Variants in PIP5K1B observed in about 807,000 individuals in gnomAD.
PIP5K1B encodes the protein phosphatidylinositol 4-phosphate 5-kinase type-1 beta.
A neutral mutation model predicts 67.0 loss-of-function variants in PIP5K1B; 42 were observed. The observed-to-expected ratio is 0.63, with a 90% CI of 0.49 to 0.81. The LOEUF (loss-of-function observed/expected upper bound fraction) is 0.81. Among genes scored for constraint, PIP5K1B ranks in the 30% least tolerant of loss-of-function variants. The pLI, the probability that PIP5K1B is intolerant of heterozygous loss-of-function variation, is 0.00. For synonymous variants in PIP5K1B, 214 were observed against 231.4 expected (o/e 0.92, Z 0.68); for missense variants, 459 against 646.3 (o/e 0.71, Z 3.14).
At chr9:68,867,645 A>T (rs1264376185) in intron 5 of PIP5K1B, among the ~76,000 whole-genome samples, 1 of 152,252 alleles carries the variant, frequency 6.6e-6, no homozygotes. Context: ...ATGGTTTCAC[A>T]GGTGTATATA....
In PIP5K1B at chr9:68,838,071, G is replaced by GT. The variant is rs939360784; in HGVS notation, c.69+15398dup. On this transcript the variant is annotated intron_variant, in intron 4 of 15. Coordinates refer to ENST00000265382, the MANE Select transcript of PIP5K1B (RefSeq NM_003558.4). Reference sequence around the variant, plus strand: ...GGTTTTTTGTTATTAATGTTTTGAGGTTTTTTTTTTCTTTTGCGCATGGGA... The same window carrying GT: ...GGTTTTTTGTTATTAATGTTTTGAGGTTTTTTTTTTTCTTTTGCGCATGGGA... Among the ~76,000 whole-genome samples, 255 of 145,722 alleles carry GT rather than the reference G, an allele frequency of 1.7e-3. 1 individual carries two copies. Among genetic ancestry groups the GT allele is most frequent in the African/African-American group, 5.3e-3 (210 of 39,862 alleles).
At chr9:68,941,235 C>T (rs1827546080) in intron 14 of PIP5K1B, 1 of 392,882 alleles carries the variant, frequency 2.5e-6, no homozygotes, top group Middle Eastern at 3.7e-4. Context: ...TTCCTGTAAC[C>T]TGTGAATATG....
At chr9:68,933,511 A>G (rs183161308) in intron 12 of PIP5K1B, among the ~76,000 whole-genome samples, 53 of 152,306 alleles carry the variant, frequency 3.5e-4, no homozygotes, top group Non-Finnish European at 2.1e-4. Flanking sequence ...ACCAGAAAAC[A>G]GAATGCTAAA....
At chr9:68,730,624 T>C (rs1238615782) in intron 1 of PIP5K1B, among the ~76,000 whole-genome samples, 2 of 152,210 alleles carry the variant, frequency 1.3e-5, no homozygotes, top group Non-Finnish European at 1.5e-5. Flanking sequence ...AGTAATGTCA[T>C]ATACAAGTAA....
chr9:68,726,983 G>GT (rs57240097), intron 1 of PIP5K1B, among the ~76,000 whole-genome samples: 85 of 143,066 alleles, frequency 5.9e-4, no homozygotes, highest in South Asian at 1.5e-3. Flanking sequence ...TAAAGTTGTT[G>GT]TTTTTTTTTT....
chr9:68,709,332 A>C (rs1049884206), intron 1 of PIP5K1B, among the ~76,000 whole-genome samples: 5 of 151,914 alleles, frequency 3.3e-5, no homozygotes, highest in Non-Finnish European at 7.4e-5. Context: ...CCCCAGGCTC[A>C]GGTAATCCTC....
At position 68,794,514 on chromosome 9, in the gene PIP5K1B, T is replaced by C. The variant is rs1012332768; in HGVS notation, c.-85-23947T>C. On this transcript the variant is annotated intron_variant, in intron 2 of 15. Transcript: ENST00000265382. Reference sequence around the variant, plus strand: ...AAACTGTTCAAGCTAAGGGCTTTACTGACTTACTTCCTTCATGGGTTTGTC... The same window carrying C: ...AAACTGTTCAAGCTAAGGGCTTTACCGACTTACTTCCTTCATGGGTTTGTC... Among the ~76,000 whole-genome samples, 25 of 152,190 alleles carry C rather than the reference T, an allele frequency of 1.6e-4. 1 individual carries two copies. The highest frequency in any genetic ancestry group is 5.9e-5 in the Non-Finnish European group (4 of 68,038).
intron 15 of PIP5K1B, among the ~76,000 whole-genome samples, chr9:68,994,087 C>G (rs1416974908): frequency 7.3e-6 from 1 of 136,616 alleles, no homozygotes; most frequent in Non-Finnish European, 1.5e-5. Flanking sequence ...GTCGCCCAGG[C>G]TGGAGTGCAG....
At chr9:68,980,773 AG>A (rs1487310545) in intron 14 of PIP5K1B, among the ~76,000 whole-genome samples, 2 of 152,136 alleles carry the variant, frequency 1.3e-5, no homozygotes, top group African/African-American at 4.8e-5. Context: ...ATATTCTCTG[AG>A]GTTTCTTCCC....
intron 5 of PIP5K1B, among the ~76,000 whole-genome samples, chr9:68,865,602 C>T (rs1232923187): frequency 1.3e-5 from 2 of 152,114 alleles, no homozygotes; most frequent in African/African-American, 4.8e-5. Flanking sequence ...CCATGTGCTC[C>T]CCCTATCCTC....
intron 6 of PIP5K1B, among the ~76,000 whole-genome samples, chr9:68,883,802 A>G (rs1456770722): frequency 7.0e-5 from 10 of 143,250 alleles, no homozygotes; most frequent in Non-Finnish European, 3.0e-5. Flanking sequence ...CATTGACCAA[A>G]TAGGATAGAG....
chr9:68,990,767 G>A (rs1043854393), intron 14 of PIP5K1B, among the ~76,000 whole-genome samples: 1 of 151,768 alleles, frequency 6.6e-6, no homozygotes, highest in African/African-American at 2.4e-5. Context: ...GAGTTCCAGT[G>A]ATTCTTCTGC....
intron 2 of PIP5K1B, among the ~76,000 whole-genome samples, chr9:68,772,761 G>T (rs966951157): frequency 2.0e-5 from 3 of 152,066 alleles, no homozygotes; most frequent in Non-Finnish European, 4.4e-5. Flanking sequence ...TAGCCTTAGG[G>T]AAGAAGATGA....
chr9:68,744,523 A>G (rs1829180127), intron 2 of PIP5K1B, among the ~76,000 whole-genome samples: 2 of 152,230 alleles, frequency 1.3e-5, no homozygotes, highest in Non-Finnish European at 2.9e-5. Flanking sequence ...ATTCATATTT[A>G]TAACTGCTCC....
chr9:68,928,074 CA>C (rs147455444), intron 12 of PIP5K1B, among the ~76,000 whole-genome samples: 21 of 141,014 alleles, frequency 1.5e-4, no homozygotes, highest in Admixed American at 2.1e-4. Context: ...ATAAACCAGA[CA>C]AAAAAAAAAG....
chr9:68,717,439 T>C (rs7021661), intron 1 of PIP5K1B, among the ~76,000 whole-genome samples: 110,512 of 152,066 alleles, frequency 0.73, 41,311 homozygotes, highest in African/African-American at 0.91. Flanking sequence ...GTTCAGGCTG[T>C]CATAACAAAG....
At chr9:68,813,595 T>C (rs1386164256) in intron 2 of PIP5K1B, among the ~76,000 whole-genome samples, 1 of 152,254 alleles carries the variant, frequency 6.6e-6, no homozygotes, top group African/African-American at 2.4e-5. Flanking sequence ...CCTGTGCATG[T>C]GACCTTATTT....
At chr9:68,779,949 G>A (rs972059) in intron 2 of PIP5K1B, 188,084 of 541,444 alleles carry the variant, frequency 0.35, 33,001 homozygotes, top group African/African-American at 0.41. Context: ...ACCACTCCTC[G>A]CCCCTCCCCT....
At chr9:68,926,781 A>G (rs575012286) in intron 12 of PIP5K1B, among the ~76,000 whole-genome samples, 1 of 152,154 alleles carries the variant, frequency 6.6e-6, no homozygotes, top group Non-Finnish European at 1.5e-5. Context: ...CATGTTGGCC[A>G]GGCTGGTCTT....
Sources: gnomAD v4.1 joint callset for allele counts (sites outside exome capture counted in the v4.1 genomes callset) on GRCh38, gnomAD v4.1.1 for gene constraint, MANE v1.5 for transcripts, NCBI Gene and HGNC (gene_info 2026-07-23, HGNC 2026-07-21) for gene names.